Variants in PDE11A observed in about 807,000 individuals in gnomAD.
PDE11A encodes the protein phosphodiesterase 11A.
Under a neutral mutation model 100.5 loss-of-function variants are expected in PDE11A, and 100 were observed. The observed-to-expected ratio is 1.00, with a 90% CI of 0.85 to 1.18. PDE11A has a LOEUF of 1.18. PDE11A is among the 50% of genes most tolerant of loss of function. The probability of loss-of-function intolerance (pLI) is 0.00; values close to 1 mark genes in which losing one functional copy is unlikely to be tolerated. For missense variants in PDE11A, 1,141 were observed against 1,152.6 expected (o/e 0.99, Z 0.15); for synonymous variants, 381 against 420.8 (o/e 0.91, Z 1.16).
At chr2:177,882,480 A>AT (rs879833325) in intron 4 of PDE11A, among the ~76,000 whole-genome samples, 3 of 152,216 alleles carry the variant, frequency 2.0e-5, no homozygotes, top group Non-Finnish European at 4.4e-5. Context: ...AGTTTTATTA[A>AT]TTTTAAAAGT....
intron 1 of PDE11A, among the ~76,000 whole-genome samples, chr2:178,020,950 TG>T (rs2086403266): frequency 6.6e-6 from 1 of 150,602 alleles, no homozygotes; most frequent in Non-Finnish European, 1.5e-5. Context: ...TGTGTGTGTG[TG>T]TGTGTGTGTG....
intron 10 of PDE11A, among the ~76,000 whole-genome samples, chr2:177,750,635 G>A (rs530287908): frequency 1.3e-5 from 2 of 152,282 alleles, no homozygotes; most frequent in Admixed American, 1.3e-4. Flanking sequence ...CAGCTGATGG[G>A]CTTTGTAAAA....
intron 15 of PDE11A, among the ~76,000 whole-genome samples, chr2:177,691,929 A>G (rs760899323): frequency 2.0e-5 from 3 of 152,226 alleles, no homozygotes; most frequent in Non-Finnish European, 4.4e-5. Context: ...CTTGGTAAAC[A>G]ATGTAGAAAA....
At chr2:177,673,894 CCT>C (rs2080725482) in intron 17 of PDE11A, among the ~76,000 whole-genome samples, 1 of 152,160 alleles carries the variant, frequency 6.6e-6, no homozygotes, top group African/African-American at 2.4e-5. Context: ...CCTTCCAGGG[CCT>C]CTGTCAGAAT....
intron 6 of PDE11A, among the ~76,000 whole-genome samples, chr2:177,830,601 AAATAATAATAATAAT>A (rs56365605): frequency 2.8e-3 from 395 of 140,012 alleles, no homozygotes; most frequent in African/African-American, 5.4e-3. Flanking sequence ...ACTCCATCTC[AAATAATAATAATAAT>A]AATAATAATA....
rs746311538 is a variant in PDE11A, at chr2:177,658,494, CTCT to C, written c.2646+5369_2646+5371del. On this transcript the variant is annotated intron_variant, in intron 19 of 19. Coordinates refer to ENST00000286063, the MANE Select transcript of PDE11A (RefSeq NM_016953.4). ...CTCTCCTCCCTTCCCCTCTCCTCTC[CTCT>C]TCTTTTTTCCCTCCCTCTCTCTCTC... 3.3e-3 allele frequency among the ~76,000 whole-genome samples: 498 copies of C among 151,560 alleles called. 2 individuals carry two copies. Among genetic ancestry groups the C allele is most frequent in the African/African-American group, 0.011 (463 of 41,294 alleles).
intron 19 of PDE11A, among the ~76,000 whole-genome samples, chr2:177,640,765 A>G (rs2080129893): frequency 6.6e-6 from 1 of 152,198 alleles, no homozygotes; most frequent in African/African-American, 2.4e-5. Flanking sequence ...CAGTGGACGG[A>G]CTGTTTACAA....
At chr2:178,080,883 T>C (rs1049961763) in intron 2 of PDE11A, among the ~76,000 whole-genome samples, 2 of 152,108 alleles carry the variant, frequency 1.3e-5, no homozygotes, top group Non-Finnish European at 2.9e-5. Context: ...AATGACAGAC[T>C]AGAGCAAGGC....
intron 13 of PDE11A, chr2:177,702,492 C>A (rs2081213237): frequency 6.6e-6 from 1 of 152,106 alleles, no homozygotes; most frequent in Admixed American, 6.6e-5. Context: ...TTGCAGGGGG[C>A]TTCGATATTG....
intron 15 of PDE11A, among the ~76,000 whole-genome samples, chr2:177,692,455 C>T (rs1251238456): frequency 2.0e-5 from 3 of 152,138 alleles, no homozygotes; most frequent in Non-Finnish European, 2.9e-5. Context: ...TTCACTGCCA[C>T]AAGGATCCTA....
chr2:178,041,640 A>G (rs2086684388), intron 1 of PDE11A, among the ~76,000 whole-genome samples: 1 of 150,658 alleles, frequency 6.6e-6, no homozygotes, highest in Admixed American at 6.6e-5. Flanking sequence ...TCACACACAT[A>G]TGTTTTTTTT....
intron 6 of PDE11A, among the ~76,000 whole-genome samples, chr2:177,831,307 G>A (rs2105605083): frequency 6.6e-6 from 1 of 152,280 alleles, no homozygotes; most frequent in South Asian, 2.1e-4. Context: ...CCTATCAAAA[G>A]GAAGACCAAC....
At chr2:177,730,049 A>AT (rs1179897343) in intron 10 of PDE11A, among the ~76,000 whole-genome samples, 1 of 152,078 alleles carries the variant, frequency 6.6e-6, no homozygotes, top group African/African-American at 2.4e-5. Flanking sequence ...CTGCATTTTG[A>AT]TTTTTTGTTG....
At chr2:177,633,870 T>C (rs894252245) in intron 19 of PDE11A, among the ~76,000 whole-genome samples, 2 of 152,068 alleles carry the variant, frequency 1.3e-5, no homozygotes, top group African/African-American at 4.8e-5. Flanking sequence ...CCAGAACTTA[T>C]TTTTTTTAAT....
At chr2:177,706,176 A>C (rs933269164) in intron 13 of PDE11A, among the ~76,000 whole-genome samples, 4 of 152,210 alleles carry the variant, frequency 2.6e-5, no homozygotes, top group African/African-American at 9.6e-5. Flanking sequence ...GCTCTAACGA[A>C]AGCCACACTT....
rs913372601 is a variant in PDE11A, at chr2:178,007,877, T to C, written c.1071+6425A>G. Among the ~76,000 whole-genome samples the C allele has an allele frequency of 1.8e-4, 28 of 152,152 alleles. 1 individual carries two copies. Among genetic ancestry groups the C allele is most frequent in the African/African-American group, 6.5e-4 (27 of 41,502 alleles). On this transcript the variant is annotated intron_variant, in intron 2 of 19. Coordinates refer to ENST00000286063, the MANE Select transcript of PDE11A (RefSeq NM_016953.4). ...GTGCCACCACAACTGGCTAAATTTT[T>C]TTTGTATCTTTAGAGAGACAGGGTT...
rs1403633300 is a variant in PDE11A, at chr2:177,992,065, A to G, written c.1071+22237T>C. On this transcript the variant is annotated intron_variant, in intron 2 of 19. Coordinates refer to ENST00000286063, the MANE Select transcript of PDE11A (RefSeq NM_016953.4). The stretch of plus-strand genomic sequence containing the variant: ...TCCTAATTATAAAAGACTAAATAAT[A>G]TATTACTGCTTTTTTTTCTAATTCT... Among the ~76,000 whole-genome samples the G allele has an allele frequency of 5.9e-5, 9 of 151,480 alleles. No homozygotes were observed. The East Asian group carries it at 1.7e-3, about 29-fold the overall frequency.
chr2:178,048,408 CAT>C (rs1298696378), intron 1 of PDE11A, among the ~76,000 whole-genome samples: 1 of 152,080 alleles, frequency 6.6e-6, no homozygotes, highest in Non-Finnish European at 1.5e-5. Flanking sequence ...GGTGGCATGG[CAT>C]ATGTCAGAGG....
At chr2:177,899,652 A>ATATATATG in intron 3 of PDE11A, 1 of 217,348 alleles carries the variant, frequency 4.6e-6, no homozygotes. Flanking sequence ...ATATATATAT[A>ATATATATG]TATGTAATTT....
Sources: allele counts gnomAD v4.1 joint callset (sites outside exome capture counted in the v4.1 genomes callset), GRCh38; gene constraint gnomAD v4.1.1; transcripts MANE v1.5; gene names NCBI Gene and HGNC (gene_info 2026-07-23, HGNC 2026-07-21).